TG: variants seen among roughly 807,000 people sequenced by gnomAD.
The protein encoded by TG is thyroglobulin.
TG carries 270 observed loss-of-function variants against 324.7 expected under a neutral mutation model. The observed-to-expected ratio is 0.83, with a 90% CI of 0.75 to 0.92. The LOEUF is 0.92. Among genes scored for constraint, TG ranks in the 40% least tolerant of loss-of-function variants. The pLI is 0.00. For synonymous variants in TG, 1,401 were observed against 1,327.0 expected (o/e 1.06, Z -1.21); for missense variants, 3,591 against 3,456.4 (o/e 1.04, Z -0.98).
intron 35 of TG, among the ~76,000 whole-genome samples, chr8:133,009,643 G>A (rs1834326727): frequency 6.6e-6 from 1 of 151,510 alleles, no homozygotes; most frequent in African/African-American, 2.4e-5. Flanking sequence ...TAAAAGGTGG[G>A]GCCTTTGGGC....
intron 26 of TG, among the ~76,000 whole-genome samples, chr8:132,946,170 A>G (rs1316906674): frequency 1.3e-5 from 2 of 152,116 alleles, no homozygotes; most frequent in East Asian, 3.9e-4. Context: ...AGATACCACA[A>G]TTTCCCCAGA....
In TG at chr8:132,935,774, A is replaced by G; in HGVS notation, c.4951A>G (p.Asn1651Asp). ...TSDQKRDALG[N>D]SKATSFGSLR... ...TCTCCAGAAACGAGATGCACTGGGG[A>G]ACTCAAAGGCCACCAGCTTTGGAAG... Residue 1651 changes from asparagine to aspartate, a missense_variant, in exon 25 of 48, where the codon AAC becomes GAC. Transcript: ENST00000220616. 2 of 1,612,952 alleles carry G rather than the reference A, an allele frequency of 1.2e-6. No individual in the cohort carries two copies. The highest frequency in any genetic ancestry group is 1.7e-6 in the Non-Finnish European group (2 of 1,179,980).
chr8:133,093,408 G>A (rs4736629), intron 41 of TG, among the ~76,000 whole-genome samples: 108,634 of 151,680 alleles, frequency 0.72, 39,312 homozygotes, highest in Non-Finnish European at 0.75. Context: ...TGGAGATCAC[G>A]TAGCCCAGGA....
intron 29 of TG, among the ~76,000 whole-genome samples, chr8:132,964,067 C>T (rs1015500374): frequency 4.0e-5 from 6 of 151,890 alleles, no homozygotes; most frequent in South Asian, 4.2e-4. Context: ...CTTGATCAGG[C>T]GTTGTGTTTG....
chr8:132,907,800 T>G (rs116981332), intron 17 of TG, among the ~76,000 whole-genome samples: 2,601 of 152,202 alleles, frequency 0.017, 32 homozygotes, highest in Non-Finnish European at 0.025. Flanking sequence ...ATTGTTCAGG[T>G]TGTGCACTGA....
chr8:133,026,438 T>C (rs1836085526), intron 40 of TG, among the ~76,000 whole-genome samples: 1 of 152,198 alleles, frequency 6.6e-6, no homozygotes, highest in Non-Finnish European at 1.5e-5. Context: ...AGGAAGCAGT[T>C]GCTGGGTGAA....
At position 133,011,758 on chromosome 8, in the gene TG, T is replaced by C. The variant is rs1834527114; in HGVS notation, c.6263-143T>C. On this transcript the variant is annotated intron_variant, in intron 35 of 47. Coordinates refer to ENST00000220616, the MANE Select transcript of TG (RefSeq NM_003235.5). ...AATACTTGTAGAATGGAAAGATGGA[T>C]CAAGCTATAAGGTTGCACAGGAATG... 7 of 982,854 alleles carry C rather than the reference T, an allele frequency of 7.1e-6. No homozygotes were observed. The Admixed American group carries it at 1.2e-4, about 17-fold the overall frequency. 60.9% of individuals were successfully genotyped at this position (982,854 alleles called of 1,614,324 possible).
chr8:133,076,762 A>C (rs1370568091), intron 41 of TG: 1 of 146,970 alleles, frequency 6.8e-6, no homozygotes, highest in South Asian at 2.1e-4. Context: ...TTAGCTGTAA[A>C]AAAAAAAAAA....
At chr8:132,958,559 A>C (rs1827273953) in intron 27 of TG, among the ~76,000 whole-genome samples, 1 of 152,136 alleles carries the variant, frequency 6.6e-6, no homozygotes, top group Non-Finnish European at 1.5e-5. Flanking sequence ...CTCTACTAAA[A>C]ATACAAAAAT....
chr8:132,988,104 G>A (rs1263830395), intron 35 of TG, among the ~76,000 whole-genome samples: 1 of 122,276 alleles, frequency 8.2e-6, no homozygotes, highest in Admixed American at 8.2e-5. Flanking sequence ...ACACACACAC[G>A]AAATGAAGCT....
intron 3 of TG, among the ~76,000 whole-genome samples, chr8:132,870,184 A>G (rs1839351533): frequency 6.6e-6 from 1 of 152,050 alleles, no homozygotes; most frequent in African/African-American, 2.4e-5. Flanking sequence ...ACTTGGGTCA[A>G]AGCTATCCAG....
chr8:132,928,118 TA>T (rs1412966656), intron 22 of TG, among the ~76,000 whole-genome samples: 1 of 152,206 alleles, frequency 6.6e-6, no homozygotes, highest in African/African-American at 2.4e-5. Context: ...CCAAAAGGAA[TA>T]AACATTTTTT....
At chr8:132,963,127 A>G in intron 29 of TG, 53 bp downstream of exon 29, 1 of 1,520,202 alleles carries the variant, frequency 6.6e-7, no homozygotes, top group South Asian at 1.1e-5. Flanking sequence ...GCAGAGACTA[A>G]ATGGGTGCAC....
chr8:132,914,552 C>G (rs1820014286), intron 20 of TG, among the ~76,000 whole-genome samples: 2 of 152,232 alleles, frequency 1.3e-5, no homozygotes, highest in South Asian at 4.1e-4. Flanking sequence ...CCTGCACAAA[C>G]ATTTAACTCT....
At position 132,893,943 on chromosome 8, in the gene TG, C is replaced by T. The variant is rs766179013; in HGVS notation, c.3001+14C>T. 3 of 1,613,872 alleles carry T rather than the reference C, an allele frequency of 1.9e-6. No homozygotes were observed. In the South Asian group the frequency reaches 3.3e-5, roughly 18 times the overall value. ...CGGCTCAGTCTAGTGAGTGTGGTGC[C>T]CTTCAGCTTTCTTACTGCATCGCTT... On this transcript the variant is annotated intron_variant, in intron 11 of 47. Coordinates refer to ENST00000220616, the MANE Select transcript of TG (RefSeq NM_003235.5).
chr8:133,093,147 T>TCTTTTCTTTTCTTTTC (rs1564180977), intron 41 of TG, among the ~76,000 whole-genome samples: 3 of 149,784 alleles, frequency 2.0e-5, no homozygotes, highest in African/African-American at 7.6e-5. Flanking sequence ...TTCTTTTTTT[T>TCTTTTCTTTTCTTTTC]TTTTAATTTA....
chr8:133,081,072 T>C lies in TG; in HGVS notation c.7240-13972T>C, dbSNP rs149424823. 1.1e-3 allele frequency among the ~76,000 whole-genome samples: 165 copies of C among 152,374 alleles called. 1 individual carries two copies. The highest frequency in any genetic ancestry group is 3.7e-3 in the African/African-American group (152 of 41,596). On this transcript the variant is annotated intron_variant, in intron 41 of 47. Coordinates refer to ENST00000220616, the MANE Select transcript of TG (RefSeq NM_003235.5). Reference sequence around the variant, plus strand: ...ATTCTTTCTCTCAGCCCAGTGATGTTACTAATACTACTTTATCATGAGGGT... The same window carrying C: ...ATTCTTTCTCTCAGCCCAGTGATGTCACTAATACTACTTTATCATGAGGGT...
At chr8:132,886,044 C>A (rs1815367311) in intron 8 of TG, among the ~76,000 whole-genome samples, 1 of 152,204 alleles carries the variant, frequency 6.6e-6, no homozygotes, top group Non-Finnish European at 1.5e-5. Flanking sequence ...GTGACATCTG[C>A]AAAGACCCTA....
chr8:132,994,676 A>T, intron 35 of TG: 1 of 1,286,486 alleles, frequency 7.8e-7, no homozygotes, highest in Non-Finnish European at 1.0e-6. Flanking sequence ...GAAGGAACTC[A>T]GTTTGACTTA....
Sources: allele counts gnomAD v4.1 joint callset (sites outside exome capture counted in the v4.1 genomes callset), GRCh38; gene constraint gnomAD v4.1.1; transcripts MANE v1.5; gene names NCBI Gene and HGNC (gene_info 2026-07-23, HGNC 2026-07-21).